The following NTM variants were observed in gnomAD, a reference collection of about 807,000 sequenced individuals.
NTM encodes the protein neurotrimin.
A neutral mutation model predicts 42.1 loss-of-function variants in NTM; 13 were observed. The ratio of observed to expected loss-of-function variants is 0.31; its 90% CI spans 0.20 to 0.49. The LOEUF (loss-of-function observed/expected upper bound fraction) is 0.49. Ranked by LOEUF, NTM falls within the 20% of genes least tolerant of loss-of-function variation. NTM has a pLI of 0.99. For synonymous variants in NTM, 187 were observed against 179.2 expected, an observed-to-expected ratio of 1.04 and a Z score of -0.35; for missense variants, 373 against 452.8, an observed-to-expected ratio of 0.82 and a Z score of 1.60.
At chr11:131,429,410 G>A (rs922993908) in intron 1 of NTM, among the ~76,000 whole-genome samples, 2 of 152,242 alleles carry the variant, frequency 1.3e-5, no homozygotes, top group African/African-American at 2.4e-5. Flanking sequence ...AGGTTGTTGC[G>A]AGAACTCAGT....
chr11:131,520,472 A>G (rs989880551), intron 1 of NTM, among the ~76,000 whole-genome samples: 4 of 152,174 alleles, frequency 2.6e-5, no homozygotes, highest in African/African-American at 9.7e-5. Context: ...CTGGGAAACA[A>G]CAAATGTCTC....
chr11:131,881,510 C>CACACACACACA lies in NTM; in HGVS notation c.83-30054_83-30053insACACACACACA, dbSNP rs67919649. Among the ~76,000 whole-genome samples, 1,042 of 145,310 alleles carry CACACACACACA rather than the reference C, an allele frequency of 7.2e-3. 10 individuals are homozygous for CACACACACACA. Among genetic ancestry groups the CACACACACACA allele is most frequent in the Middle Eastern group, 0.018 (5 of 284 alleles). ...CACACACACACACACACACACACACCCCCCAAAGCTTTGACGCAGAGGAGC... is the reference window on the plus strand; with the variant it reads ...CACACACACACACACACACACACACCACACACACACACCCCAAAGCTTTGACGCAGAGGAGC... On this transcript the variant is annotated intron_variant, in intron 1 of 8. Transcript: ENST00000683400.
intron 3 of NTM, among the ~76,000 whole-genome samples, chr11:132,163,662 A>T (rs1429734983): frequency 1.3e-5 from 2 of 152,202 alleles, no homozygotes; most frequent in African/African-American, 2.4e-5. Context: ...GCTTCCCCTT[A>T]TGAGCAAAGG....
At chr11:131,813,149 C>A (rs963803114) in intron 1 of NTM, among the ~76,000 whole-genome samples, 1 of 152,256 alleles carries the variant, frequency 6.6e-6, no homozygotes, top group South Asian at 2.1e-4. Flanking sequence ...TGTCATTCAG[C>A]GTGTAGTGCT....
At position 132,315,169 on chromosome 11, in the gene NTM, G is replaced by C. The variant is rs375554980; in HGVS notation, c.934+466G>C. 3 of 781,070 alleles carry C rather than the reference G, an allele frequency of 3.8e-6. No homozygotes were observed. The African/African-American group carries it at 5.6e-5, about 15-fold the overall frequency. 48.4% of individuals were successfully genotyped at this position (781,070 alleles called of 1,614,324 possible). A position where few individuals can be genotyped will look rare whatever the true frequency, so the allele number is the denominator to read the frequency against. ...GTCAAGAACTCAGAGGGGAATGTTTGCTATTTCAGTCTTTGCTTACTGGCT... is the reference window on the plus strand; with the variant it reads ...GTCAAGAACTCAGAGGGGAATGTTTCCTATTTCAGTCTTTGCTTACTGGCT... On this transcript the variant is annotated intron_variant, in intron 7 of 8. Coordinates refer to ENST00000683400, the MANE Select transcript of NTM (RefSeq NM_001352005.2).
intron 2 of NTM, among the ~76,000 whole-genome samples, chr11:132,135,559 A>G (rs11603286): frequency 0.18 from 27,518 of 152,186 alleles, 3,091 homozygotes; most frequent in African/African-American, 0.31. Context: ...ATTTTAGGCA[A>G]AGACCCACCA....
At chr11:132,201,050 G>A (rs1283707431) in intron 3 of NTM, among the ~76,000 whole-genome samples, 2 of 152,282 alleles carry the variant, frequency 1.3e-5, no homozygotes, top group African/African-American at 2.4e-5. Flanking sequence ...CATCCAAGGG[G>A]CAGAGTTAGC....
At chr11:132,322,318 A>G (rs1345441493) in intron 7 of NTM, among the ~76,000 whole-genome samples, 1 of 151,684 alleles carries the variant, frequency 6.6e-6, no homozygotes, top group Non-Finnish European at 1.5e-5. Flanking sequence ...GGCTCAAAAT[A>G]AAAGGATGGA....
intron 1 of NTM, among the ~76,000 whole-genome samples, chr11:131,372,274 G>A (rs556795602): frequency 6.6e-6 from 1 of 152,160 alleles, no homozygotes; most frequent in Non-Finnish European, 1.5e-5. Flanking sequence ...GTCCAAGGTG[G>A]TGAATCTTGC....
At chr11:131,563,903 T>C (rs181478324) in intron 1 of NTM, among the ~76,000 whole-genome samples, 8 of 152,278 alleles carry the variant, frequency 5.3e-5, no homozygotes, top group South Asian at 2.1e-4. Context: ...CTACCGTTCC[T>C]TCGCTGTTTT....
chr11:132,004,856 A>ATACC (rs1384941991), intron 2 of NTM, among the ~76,000 whole-genome samples: 2 of 152,186 alleles, frequency 1.3e-5, no homozygotes, highest in African/African-American at 2.4e-5. Flanking sequence ...CATTATTGGT[A>ATACC]GTCCTTTGAG....
Position 131,573,919 on chromosome 11 carries a change from T to C in NTM, c.82+203031T>C, listed in dbSNP as rs7941317. Reference sequence around the variant, plus strand: ...TGGAATCTCCAGGAGTTTCTTCTTTTGCTCACCAGACACAGCCCCATCACA... The same window carrying C: ...TGGAATCTCCAGGAGTTTCTTCTTTCGCTCACCAGACACAGCCCCATCACA... On this transcript the variant is annotated intron_variant, in intron 1 of 8. Coordinates refer to ENST00000683400, the MANE Select transcript of NTM (RefSeq NM_001352005.2). Among the ~76,000 whole-genome samples the C allele has an allele frequency of 2.3e-3, 348 of 152,306 alleles. 3 individuals carry two copies. The highest frequency in any genetic ancestry group is 7.9e-3 in the African/African-American group (327 of 41,564).
At chr11:131,943,004 G>T (rs1406801663) in intron 2 of NTM, among the ~76,000 whole-genome samples, 1 of 152,052 alleles carries the variant, frequency 6.6e-6, no homozygotes, top group Non-Finnish European at 1.5e-5. Flanking sequence ...GGCATTCCTG[G>T]CAGAGAGACT....
intron 1 of NTM, among the ~76,000 whole-genome samples, chr11:131,639,203 A>C (rs536913467): frequency 1.8e-4 from 28 of 152,346 alleles, no homozygotes; most frequent in Admixed American, 1.5e-3. Context: ...CTAGAATGTT[A>C]AGACGTCTTT....
rs186659976 is a variant in NTM, at chr11:132,057,564, G to T, written c.168-88718G>T. Among the ~76,000 whole-genome samples, 68 of 152,282 alleles carry T rather than the reference G, an allele frequency of 4.5e-4. 1 individual carries two copies. The highest frequency in any genetic ancestry group is 3.9e-3 in the Admixed American group (60 of 15,292). ...AGTCCCCTTTCGCCAAACACTTCAT[G>T]TTCCTCTGAGCTGTGCTGCCCCTTC... On this transcript the variant is annotated intron_variant, in intron 2 of 8. Coordinates refer to ENST00000683400, the MANE Select transcript of NTM (RefSeq NM_001352005.2).
intron 4 of NTM, among the ~76,000 whole-genome samples, chr11:132,301,331 C>G (rs1415331332): frequency 6.6e-6 from 1 of 152,118 alleles, no homozygotes; most frequent in East Asian, 1.9e-4. Flanking sequence ...TCCACCTGGT[C>G]CCTCCCATGA....
chr11:132,269,458 T>C (rs990938538), intron 4 of NTM, among the ~76,000 whole-genome samples: 2 of 152,234 alleles, frequency 1.3e-5, no homozygotes, highest in Non-Finnish European at 2.9e-5. Flanking sequence ...CTTCTCTATG[T>C]TGCCTTCTGT....
chr11:132,192,639 A>G (rs1281369084), intron 3 of NTM, among the ~76,000 whole-genome samples: 3 of 152,180 alleles, frequency 2.0e-5, no homozygotes, highest in African/African-American at 7.2e-5. Flanking sequence ...ACAGGATACA[A>G]TCCTCACATA....
intron 1 of NTM, among the ~76,000 whole-genome samples, chr11:131,657,944 A>G (rs1325505240): frequency 1.3e-5 from 2 of 152,130 alleles, no homozygotes; most frequent in Non-Finnish European, 1.5e-5. Flanking sequence ...GGGAAGAGTG[A>G]GATGTGAGTG....
Sources: allele counts gnomAD v4.1 joint callset (sites outside exome capture counted in the v4.1 genomes callset), GRCh38; gene constraint gnomAD v4.1.1; transcripts MANE v1.5; gene names NCBI Gene and HGNC (gene_info 2026-07-23, HGNC 2026-07-21).